The following CDCP1 variants were observed in gnomAD, a reference collection of about 807,000 sequenced individuals.
The protein encoded by CDCP1 is CUB domain containing protein 1, also known as CUB domain-containing protein 1.
In CDCP1, 29 loss-of-function variants were observed where a neutral mutation model predicts 60.2. The ratio of observed to expected loss-of-function variants is 0.48; its 90% confidence interval spans 0.36 to 0.66. The LOEUF (loss-of-function observed/expected upper bound fraction) is 0.66, where lower values mean the gene tolerates loss of function less well. Among genes scored for constraint, CDCP1 ranks in the 30% least tolerant of loss-of-function variants. CDCP1 has a pLI of 0.00. For missense variants in CDCP1, 876 were observed against 1,074.3 expected, an observed-to-expected ratio of 0.82 and a Z score of 2.58; for synonymous variants, 387 against 431.1, an observed-to-expected ratio of 0.90 and a Z score of 1.27.
In CDCP1 at chr3:45,093,621, T is replaced by A; in HGVS notation, c.1283A>T (p.Tyr428Phe). The A allele has an allele frequency of 6.2e-7, 1 of 1,613,856 alleles. No homozygotes were observed. The highest frequency in any genetic ancestry group is 8.5e-7 in the Non-Finnish European group (1 of 1,179,884). The change falls in exon 6 of 9, where the codon TAC becomes TTC. Residue 428 changes from tyrosine (Y) to phenylalanine (F), a missense_variant. By Grantham distance (22) the Tyr-to-Phe change is conservative. Around this residue, in one of 2 missense-constraint regions of CDCP1, gnomAD observed 726 missense variants for 935.7 expected, o/e 0.78. Coordinates refer to ENST00000296129, the MANE Select transcript of CDCP1 (RefSeq NM_022842.5). ...GATGTCACTGGGCACCTGGAGTGAG[T>A]AGGATTTCCTTTGGCAGTACCGGTG... is the stretch of plus-strand genomic sequence containing the variant. Reference protein sequence around the residue: ...TDHRYCQRKSYSLQVPSDILH... With the variant: ...TDHRYCQRKSFSLQVPSDILH...
At chr3:45,097,200 G>A (rs774933090) in intron 4 of CDCP1, among the ~76,000 whole-genome samples, 22 of 151,804 alleles carry the variant, frequency 1.4e-4, no homozygotes, top group Non-Finnish European at 2.8e-4. Context: ...CCAGCTACTC[G>A]GGAAGCTGAG....
chr3:45,135,681 C>T (rs970204795), intron 1 of CDCP1, among the ~76,000 whole-genome samples: 6 of 152,246 alleles, frequency 3.9e-5, no homozygotes, highest in Admixed American at 3.3e-4. Flanking sequence ...CAGAGCTATA[C>T]TTCTGCTCCA....
At chr3:45,093,160 A>G in intron 6 of CDCP1, 117 bp downstream of exon 6, 3 of 1,160,054 alleles carry the variant, frequency 2.6e-6, no homozygotes, top group Non-Finnish European at 3.6e-6. Context: ...TGCAAGGACC[A>G]GCATATTGAG....
rs139531917 is a variant in CDCP1 at position 45,110,805 on chromosome 3, C to G, written c.692G>C (p.Gly231Ala). 3 of 1,613,756 alleles carry G rather than the reference C, an allele frequency of 1.9e-6. No homozygotes were observed. The highest frequency in any genetic ancestry group is 1.7e-6 in the Non-Finnish European group (2 of 1,179,956). Reference sequence around the variant, plus strand: ...GTTGGCAGACATCAGGGTTGCTGAGCCTTCACCCTCAAACACAGACTCGAT... The same window carrying G: ...GTTGGCAGACATCAGGGTTGCTGAGGCTTCACCCTCAAACACAGACTCGAT... ...CIIESVFEGE[G>A]SATLMSANYP... is the part of the protein sequence containing the mutation. Residue 231 changes from glycine to alanine, a missense_variant, in exon 4 of 9, where the codon GGC (glycine) becomes GCC (alanine). Gly to Ala is a moderately conservative substitution (Grantham distance 60). Coordinates refer to ENST00000296129, the MANE Select transcript of CDCP1 (RefSeq NM_022842.5).
intron 1 of CDCP1, among the ~76,000 whole-genome samples, chr3:45,126,108 C>CTTTCTTTT (rs1553610965): frequency 7.3e-5 from 8 of 110,010 alleles, no homozygotes; most frequent in Non-Finnish European, 1.5e-4. Flanking sequence ...TTGTCTCTCT[C>CTTTCTTTT]TCTTTCTTTC....
At position 45,095,520 on chromosome 3, in the gene CDCP1, G is replaced by C. The variant is rs1449905851; in HGVS notation, c.1073C>G (p.Thr358Ser). ...DLSNERAMSL[T>S]IEPRPVKQSR... ...CTGTTTGACGGGCCGTGGCTCGATG[G>C]TGAGTGACATGGCTCGCTCATTACT... The change falls in exon 5 of 9, where the codon ACC becomes AGC. Residue 358 changes from threonine to serine, a missense_variant. By Grantham distance (58) the Thr-to-Ser change is moderately conservative. This residue lies in a region of CDCP1 where 726 missense variants were observed against 935.7 expected (regional missense o/e 0.78). Transcript: ENST00000296129. 1.9e-6 allele frequency: 3 copies of C among 1,614,038 alleles called. No homozygotes were observed. The highest frequency in any genetic ancestry group is 2.5e-6 in the Non-Finnish European group (3 of 1,180,046).
intron 4 of CDCP1, among the ~76,000 whole-genome samples, chr3:45,104,705 C>G (rs1698532300): frequency 6.6e-6 from 1 of 152,178 alleles, no homozygotes; most frequent in Non-Finnish European, 1.5e-5. Context: ...GACACAGTTT[C>G]CTGCCTTGAA....
Position 45,085,595 on chromosome 3 carries a change from C to T in CDCP1, c.*43G>A, listed in dbSNP as rs766996501. Reference sequence around the variant, plus strand: ...AGGAACACGGACGGGTGTCTCAGTGCCCTGCTTTATGAAACTCAGCAAAGC... The same window carrying T: ...AGGAACACGGACGGGTGTCTCAGTGTCCTGCTTTATGAAACTCAGCAAAGC... On this transcript the variant is annotated 3_prime_UTR_variant, in exon 9 of 9. Transcript: ENST00000296129. This position sits in a 1 kb window ranked among gnomAD's most constrained non-coding sequence, Gnocchi z 4.2. 2 of 1,557,620 alleles carry T rather than the reference C, an allele frequency of 1.3e-6. No individual in the cohort carries two copies. Among genetic ancestry groups the T allele is most frequent in the African/African-American group, 1.4e-5 (1 of 73,374 alleles).
intron 4 of CDCP1, among the ~76,000 whole-genome samples, chr3:45,105,985 G>C (rs1329332784): frequency 6.6e-6 from 1 of 152,124 alleles, no homozygotes; most frequent in African/African-American, 2.4e-5. Flanking sequence ...TTACAGATGT[G>C]GTCACGGATG....
rs548230738 is a variant in CDCP1 at position 45,133,067 on chromosome 3, A to G, written c.82+13139T>C. Reference sequence around the variant, plus strand: ...AGTCGATGTGTGAAAGGAATTCAACATAAGGGAGAGTCTCTGTAGCTAGTA... The same window carrying G: ...AGTCGATGTGTGAAAGGAATTCAACGTAAGGGAGAGTCTCTGTAGCTAGTA... On this transcript the variant is annotated intron_variant, in intron 1 of 8. Coordinates refer to ENST00000296129, the MANE Select transcript of CDCP1 (RefSeq NM_022842.5). Among the ~76,000 whole-genome samples, 20 of 152,312 alleles carry G rather than the reference A, an allele frequency of 1.3e-4. No individual in the cohort carries two copies. The South Asian group carries it at 3.9e-3, about 30-fold the overall frequency.
intron 1 of CDCP1, among the ~76,000 whole-genome samples, chr3:45,133,301 CT>C (rs1233578535): frequency 4.6e-5 from 7 of 151,754 alleles, no homozygotes; most frequent in African/African-American, 1.7e-4. Context: ...CTTTTGAGAC[CT>C]TGTGCAGAGA....
In CDCP1 at chr3:45,095,342, C is replaced by T. The variant is rs956118811; in HGVS notation, c.1246+5G>A. On this transcript the variant is annotated splice_donor_5th_base_variant and intron_variant, in intron 5 of 8. Coordinates refer to ENST00000296129, the MANE Select transcript of CDCP1 (RefSeq NM_022842.5). ...AGGGACAAATGCACTGATTCAGGGGCGTACTTATGGTTTTTTCCACATTCA... is the reference window on the plus strand; with the variant it reads ...AGGGACAAATGCACTGATTCAGGGGTGTACTTATGGTTTTTTCCACATTCA... The T allele has an allele frequency of 1.1e-5, 17 of 1,612,488 alleles. No individual in the cohort carries two copies. Among genetic ancestry groups the T allele is most frequent in the Middle Eastern group, 1.6e-4 (1 of 6,078 alleles).
At chr3:45,095,676 C>A in intron 4 of CDCP1, 108 bp from the exon 5 acceptor site, 1 of 791,528 alleles carries the variant, frequency 1.3e-6, no homozygotes, top group Non-Finnish European at 2.1e-6. Context: ...GCATATCAGA[C>A]CATGGATGGA....
intron 1 of CDCP1, among the ~76,000 whole-genome samples, chr3:45,144,161 C>G (rs1699342284): frequency 6.6e-6 from 1 of 152,168 alleles, no homozygotes; most frequent in African/African-American, 2.4e-5. Context: ...ACACACGACA[C>G]CAAGACACAA....
chr3:45,117,068 G>A (rs948688084), intron 2 of CDCP1, among the ~76,000 whole-genome samples: 1 of 152,100 alleles, frequency 6.6e-6, no homozygotes, highest in Non-Finnish European at 1.5e-5. Flanking sequence ...TAGTCATTAA[G>A]TGTAGTTTTT....
Position 45,110,674 on chromosome 3 carries a change from C to T in CDCP1, c.823G>A (p.Glu275Lys). 6.2e-7 allele frequency: 1 copy of T among 1,614,162 alleles called. No homozygotes were observed. Reference protein sequence around the residue: ...SFLNFNLSNCERKEERVEYYI... With the variant: ...SFLNFNLSNCKRKEERVEYYI... ...TATTCAACCCGCTCCTCCTTCCTCT[C>T]ACAGTTGGAGAGGTTGAAGTTGAGG... Residue 275 changes from glutamate (E) to lysine (K), a missense_variant, in exon 4 of 9, where the codon GAG becomes AAG. Coordinates refer to ENST00000296129, the MANE Select transcript of CDCP1 (RefSeq NM_022842.5).
chr3:45,087,029 G>A lies in CDCP1; in HGVS notation c.2082-962C>T, dbSNP rs1438505915. On this transcript the variant is annotated intron_variant, in intron 8 of 8. Transcript: ENST00000296129. ...GCTGAGCCCCTGGCCAGGAGGATGG[G>A]TTCCTAAGGCTCCTGCCTGAAGCCC... is the stretch of plus-strand genomic sequence containing the variant. 2.0e-5 allele frequency among the ~76,000 whole-genome samples: 3 copies of A among 152,210 alleles called. No individual in the cohort carries two copies. The East Asian group carries it at 5.8e-4, about 29-fold the overall frequency.
intron 1 of CDCP1, among the ~76,000 whole-genome samples, chr3:45,142,625 C>T (rs1432727455): frequency 2.0e-5 from 3 of 152,310 alleles, no homozygotes; most frequent in African/African-American, 4.8e-5. Context: ...CATGGAAAGA[C>T]GCATCCAAAG....
intron 1 of CDCP1, among the ~76,000 whole-genome samples, chr3:45,130,659 C>T (rs1699075522): frequency 6.6e-6 from 1 of 152,172 alleles, no homozygotes; most frequent in Non-Finnish European, 1.5e-5. Context: ...TTGTTGTTTG[C>T]ACAACTCTGA....
Sources: gnomAD v4.1 joint callset for allele counts (sites outside exome capture counted in the v4.1 genomes callset) on GRCh38, gnomAD v4.1.1 for gene constraint, gnomAD v4.1.1 regional missense constraint, Gnocchi (gnomAD v3.1) non-coding constraint, MANE v1.5 for transcripts, NCBI Gene and HGNC (gene_info 2026-07-23, HGNC 2026-07-21) for gene names.